Variants in PDE4D observed in about 807,000 individuals in gnomAD.
The protein encoded by PDE4D is phosphodiesterase 4D.
A neutral mutation model predicts 87.4 loss-of-function variants in PDE4D; 24 were observed. The observed-to-expected ratio is 0.27, with a 90% confidence interval of 0.20 to 0.39. The LOEUF is 0.39. Among genes scored for constraint, PDE4D ranks in the 10% least tolerant of loss-of-function variants. The probability of loss-of-function intolerance (pLI) is 1.00; values close to 1 mark genes in which losing one functional copy is unlikely to be tolerated. For missense variants in PDE4D, 714 were observed against 1,041.0 expected (o/e 0.69, Z 4.32); for synonymous variants, 384 against 383.2 (o/e 1.00, Z -0.02).
chr5:60,357,598 T>C (rs1009397531), intron 1 of PDE4D, among the ~76,000 whole-genome samples: 1 of 152,204 alleles, frequency 6.6e-6, no homozygotes, highest in African/African-American at 2.4e-5. Context: ...GTCTTTCTAC[T>C]TGGAATTTTT....
chr5:59,186,136 T>C (rs1561656501), intron 3 of PDE4D, among the ~76,000 whole-genome samples: 1 of 152,146 alleles, frequency 6.6e-6, no homozygotes, highest in Non-Finnish European at 1.5e-5. Context: ...TATAGGTGAT[T>C]TGGGTGACAG....
chr5:59,858,673 T>A (rs1745816332), intron 1 of PDE4D, among the ~76,000 whole-genome samples: 1 of 152,082 alleles, frequency 6.6e-6, no homozygotes, highest in African/African-American at 2.4e-5. Context: ...TCAACATAGA[T>A]CAACCAAACA....
At chr5:59,695,479 A>T (rs1325073256) in intron 1 of PDE4D, among the ~76,000 whole-genome samples, 5 of 152,196 alleles carry the variant, frequency 3.3e-5, no homozygotes, top group African/African-American at 1.2e-4. Context: ...ACTCAGGCCA[A>T]TGGTCAAGTC....
chr5:59,535,074 T>G (rs2607345), intron 1 of PDE4D, among the ~76,000 whole-genome samples: 863 of 71,386 alleles, frequency 0.012, 6 homozygotes, highest in Non-Finnish European at 0.016. Flanking sequence ...TGTGTGTGTG[T>G]GTGGGGGGGG....
intron 5 of PDE4D, among the ~76,000 whole-genome samples, chr5:59,049,964 G>T (rs1320579260): frequency 6.6e-6 from 1 of 152,134 alleles, no homozygotes; most frequent in African/African-American, 2.4e-5. Context: ...TGAAGACTGG[G>T]ATTAAGAAAA....
intron 3 of PDE4D, among the ~76,000 whole-genome samples, chr5:59,977,850 T>C (rs548376870): frequency 6.6e-6 from 1 of 152,322 alleles, no homozygotes; most frequent in African/African-American, 2.4e-5. Context: ...GAAGACAATG[T>C]TCATTTAATA....
chr5:59,464,630 G>A (rs374561318), intron 1 of PDE4D, among the ~76,000 whole-genome samples: 5 of 152,088 alleles, frequency 3.3e-5, no homozygotes, highest in African/African-American at 4.8e-5. Flanking sequence ...TACGCTGAAC[G>A]CTGGTTCCCT....
intron 1 of PDE4D, among the ~76,000 whole-genome samples, chr5:59,773,587 G>GT (rs1243629484): frequency 6.6e-6 from 1 of 151,900 alleles, no homozygotes; most frequent in Non-Finnish European, 1.5e-5. Context: ...TTGTTTTTAT[G>GT]TTTTTTTCTC....
chr5:60,340,915 A>G (rs1400949013), intron 1 of PDE4D, among the ~76,000 whole-genome samples: 2 of 152,172 alleles, frequency 1.3e-5, no homozygotes, highest in African/African-American at 4.8e-5. Flanking sequence ...TTCCATTTCT[A>G]TGAGTTTTTA....
At chr5:60,041,088 T>C (rs1452139470) in intron 2 of PDE4D, among the ~76,000 whole-genome samples, 1 of 152,198 alleles carries the variant, frequency 6.6e-6, no homozygotes, top group East Asian at 1.9e-4. Context: ...TATAAAAAAT[T>C]TCCATCATTA....
chr5:59,044,017 C>G (rs548780637), intron 5 of PDE4D, among the ~76,000 whole-genome samples: 1 of 152,088 alleles, frequency 6.6e-6, no homozygotes, highest in Non-Finnish European at 1.5e-5. Context: ...AATAAACATA[C>G]GTGTGCATGT....
At chr5:59,448,026 G>A (rs1027006019) in intron 1 of PDE4D, among the ~76,000 whole-genome samples, 2 of 152,220 alleles carry the variant, frequency 1.3e-5, no homozygotes, top group African/African-American at 4.8e-5. Context: ...TGAAATATCA[G>A]GGTGGTTTGT....
At chr5:59,430,320 T>C (rs2153631389) in intron 1 of PDE4D, 1 of 1,231,324 alleles carries the variant, frequency 8.1e-7, no homozygotes. Flanking sequence ...TAATATCAAT[T>C]GGCATGTTGA....
At chr5:59,144,900 G>T (rs1457408803) in intron 5 of PDE4D, among the ~76,000 whole-genome samples, 1 of 141,744 alleles carries the variant, frequency 7.1e-6, no homozygotes. Context: ...TGGGGGGGGG[G>T]GGGGGAACCA....
chr5:60,207,361 T>G (rs987464103), intron 1 of PDE4D, among the ~76,000 whole-genome samples: 1 of 152,190 alleles, frequency 6.6e-6, no homozygotes, highest in South Asian at 2.1e-4. Flanking sequence ...TTTGATCCAG[T>G]AGGAAACCAA....
chr5:59,145,906 C>T (rs889150946), intron 5 of PDE4D, among the ~76,000 whole-genome samples: 1 of 152,184 alleles, frequency 6.6e-6, no homozygotes, highest in Admixed American at 6.5e-5. Context: ...GTGGGTGGAT[C>T]ACCCGAGTTC....
intron 3 of PDE4D, among the ~76,000 whole-genome samples, chr5:59,981,871 A>G (rs1280552720): frequency 1.3e-5 from 2 of 152,016 alleles, no homozygotes; most frequent in Non-Finnish European, 1.5e-5. Context: ...TTCTGTTTGG[A>G]TTTTGATTCA....
intron 3 of PDE4D, among the ~76,000 whole-genome samples, chr5:59,968,593 T>C (rs1328060603): frequency 6.6e-6 from 1 of 152,088 alleles, no homozygotes; most frequent in African/African-American, 2.4e-5. Context: ...AAAAAATATA[T>C]AAAGCTAGAA....
At chr5:60,177,259 G>A (rs1338236275) in intron 2 of PDE4D, among the ~76,000 whole-genome samples, 1 of 152,068 alleles carries the variant, frequency 6.6e-6, no homozygotes, top group African/African-American at 2.4e-5. Flanking sequence ...GTGAAATGCA[G>A]GGGTCAAAAT....
Sources: gnomAD v4.1 joint callset for allele counts (sites outside exome capture counted in the v4.1 genomes callset) on GRCh38, gnomAD v4.1.1 for gene constraint, MANE v1.5 for transcripts, NCBI Gene and HGNC (gene_info 2026-07-23, HGNC 2026-07-21) for gene names.